The following NHSL2 variants were observed in gnomAD, a reference collection of about 807,000 sequenced individuals.
NHSL2 encodes the protein NHS like 2, also known as NHS-like protein 2.
Under a neutral mutation model 53.4 loss-of-function variants are expected in NHSL2, and 27 were observed. The observed-to-expected ratio is 0.51, with a 90% confidence interval of 0.37 to 0.70. The LOEUF (loss-of-function observed/expected upper bound fraction) is 0.70. NHSL2 is among the 30% of genes least tolerant of loss of function. The pLI is 0.00. For missense variants in NHSL2, 892 were observed against 980.1 expected, an observed-to-expected ratio of 0.91 and a Z score of 1.20; for synonymous variants, 408 against 404.1, an observed-to-expected ratio of 1.01 and a Z score of -0.12.
intron 1 of NHSL2, among the ~76,000 whole-genome samples, chrX:71,932,783 A>C (rs1345029114): frequency 8.9e-6 from 1 of 112,460 alleles, no homozygotes; most frequent in East Asian, 2.8e-4. Flanking sequence ...CCTCACTCCA[A>C]ATCATCCCTA....
At chrX:71,950,513 A>C (rs905680384) in intron 1 of NHSL2, among the ~76,000 whole-genome samples, 1 of 112,496 alleles carries the variant, frequency 8.9e-6, no homozygotes, top group Non-Finnish European at 1.9e-5. Context: ...TTTTTGCCCC[A>C]GTTCTAGCTG....
intron 1 of NHSL2, among the ~76,000 whole-genome samples, chrX:72,091,208 C>T (rs2041894474): frequency 8.9e-6 from 1 of 112,382 alleles, no homozygotes; most frequent in South Asian, 3.7e-4. Flanking sequence ...AATCCCAGCA[C>T]TTTGGGAGGC....
rs775112443 is a variant in NHSL2, at chrX:72,101,278, TCG to T, written c.281-30799_281-30798del. Among the ~76,000 whole-genome samples, 8 of 109,673 alleles carry T rather than the reference TCG, an allele frequency of 7.3e-5. No homozygotes were observed. In the East Asian group the frequency reaches 2.3e-3, roughly 32 times the overall value. On this transcript the variant is annotated intron_variant, in intron 1 of 7. Transcript: ENST00000633930. ...GCTCAATTGCATCCTGCAAGAAGAC[TCG>T]CATCAGGGTTTGAGCTCGGGGTTTG...
Position 72,132,160 on chromosome X carries a change from TCTC to T in NHSL2, c.366_368del (p.Ser123del), listed in dbSNP as rs1219076103. 1 of 1,166,230 alleles carries T rather than the reference TCTC, an allele frequency of 8.6e-7. No individual in the cohort carries two copies. Among genetic ancestry groups the T allele is most frequent in the Non-Finnish European group, 1.1e-6 (1 of 872,206 alleles). On this transcript the variant is annotated inframe_deletion, in exon 2 of 8. Transcript: ENST00000633930. Reference sequence around the variant, plus strand: ...TGGCGACAGCCAGTGAACGTGTTCCTCTCCTCGGGCAGGCCCCCGAGTGTAGAG... The same window carrying T: ...TGGCGACAGCCAGTGAACGTGTTCCTCTCGGGCAGGCCCCCGAGTGTAGAG...
At chrX:71,989,158 G>A (rs939024402) in intron 1 of NHSL2, among the ~76,000 whole-genome samples, 1 of 110,320 alleles carries the variant, frequency 9.1e-6, no homozygotes, top group Non-Finnish European at 1.9e-5. Context: ...CAAAACACTT[G>A]GTCCTTATTT....
intron 1 of NHSL2, 138 bp from the exon 2 acceptor site, chrX:72,131,941 C>T (rs2042307178): frequency 8.7e-6 from 5 of 575,414 alleles, no homozygotes; most frequent in African/African-American, 2.4e-5. Flanking sequence ...CGGCGATTCC[C>T]CGCCTTTTAA....
chrX:72,000,504 C>G (rs1006974144), intron 1 of NHSL2, among the ~76,000 whole-genome samples: 2 of 112,195 alleles, frequency 1.8e-5, no homozygotes, highest in African/African-American at 6.5e-5. Context: ...TATTATCTTA[C>G]AGTTCTGGAG....
At chrX:72,067,954 C>T (rs191287108) in intron 1 of NHSL2, among the ~76,000 whole-genome samples, 21 of 112,335 alleles carry the variant, frequency 1.9e-4, no homozygotes, top group Non-Finnish European at 2.4e-4. Flanking sequence ...ATATTCCAAA[C>T]AGTTAACAGT....
At chrX:71,962,326 G>T (rs2041871284) in intron 1 of NHSL2, among the ~76,000 whole-genome samples, 1 of 111,697 alleles carries the variant, frequency 9.0e-6, no homozygotes, top group African/African-American at 3.3e-5. Context: ...TGCCCTCAGA[G>T]AATAAGTTAG....
intron 1 of NHSL2, among the ~76,000 whole-genome samples, chrX:72,052,390 T>G: frequency 8.9e-6 from 1 of 112,566 alleles, no homozygotes; most frequent in East Asian, 2.8e-4. Context: ...GCATTAAAAG[T>G]CTTGGACAGT....
chrX:72,105,659 A>C (rs1177257354), intron 1 of NHSL2, among the ~76,000 whole-genome samples: 1 of 111,495 alleles, frequency 9.0e-6, no homozygotes, highest in African/African-American at 3.3e-5. Flanking sequence ...GGTGACCTGC[A>C]TCTCAAAGAG....
chrX:72,031,695 T>A (rs1602319049), intron 1 of NHSL2, among the ~76,000 whole-genome samples: 1 of 108,859 alleles, frequency 9.2e-6, no homozygotes, highest in South Asian at 4.1e-4. Context: ...CTTTCCTGCT[T>A]TCTCGCTCCT....
Position 72,153,264 on chromosome X carries a change from A to G in NHSL2, c.*9690A>G, listed in dbSNP as rs2042530128. The G allele has an allele frequency of 2.7e-5, 3 of 112,614 alleles. No individual in the cohort carries two copies. Among genetic ancestry groups the G allele is most frequent in the Non-Finnish European group, 5.6e-5 (3 of 53,331 alleles). The allele number at this position is 112,614 out of a possible 1,213,427, so 9.3% of individuals were successfully genotyped here. Reference sequence around the variant, plus strand: ...CTAGAGCTGTTTGTGTCTTCTTAAAATAAACTTTTTCTGTTAAAATCATTT... The same window carrying G: ...CTAGAGCTGTTTGTGTCTTCTTAAAGTAAACTTTTTCTGTTAAAATCATTT... On this transcript the variant is annotated 3_prime_UTR_variant, in exon 8 of 8. Coordinates refer to ENST00000633930, the MANE Select transcript of NHSL2 (RefSeq NM_001013627.3).
At chrX:71,978,080 TG>T (rs2147864424) in intron 1 of NHSL2, among the ~76,000 whole-genome samples, 1 of 112,309 alleles carries the variant, frequency 8.9e-6, no homozygotes, top group Admixed American at 9.4e-5. Context: ...AACTCTATCA[TG>T]GGGTTGTTAT....
At chrX:72,121,910 A>G (rs762976999) in intron 1 of NHSL2, among the ~76,000 whole-genome samples, 18 of 112,447 alleles carry the variant, frequency 1.6e-4, no homozygotes, top group Non-Finnish European at 3.0e-4. Context: ...GAAATCACAA[A>G]TATTTTCATA....
chrX:71,930,384 C>T (rs960788356), intron 1 of NHSL2, among the ~76,000 whole-genome samples: 17 of 112,661 alleles, frequency 1.5e-4, no homozygotes, highest in African/African-American at 5.5e-4. Flanking sequence ...TTTTTAACAG[C>T]TTTATTGAAA....
At chrX:72,020,090 A>G (rs1399509207) in intron 1 of NHSL2, among the ~76,000 whole-genome samples, 1 of 112,641 alleles carries the variant, frequency 8.9e-6, no homozygotes, top group African/African-American at 3.2e-5. Flanking sequence ...TCTTCGTGTT[A>G]TTTTTTGAAA....
intron 1 of NHSL2, among the ~76,000 whole-genome samples, chrX:72,048,298 C>T (rs1171959061): frequency 9.0e-6 from 1 of 110,620 alleles, no homozygotes; most frequent in Non-Finnish European, 1.9e-5. Flanking sequence ...GTGAGGTTCC[C>T]ACACTTGGGT....
intron 1 of NHSL2, among the ~76,000 whole-genome samples, chrX:71,950,322 C>T (rs979525920): frequency 6.2e-5 from 7 of 112,534 alleles, no homozygotes; most frequent in Admixed American, 1.9e-4. Flanking sequence ...AGTAACAGTC[C>T]CAATGCCCAG....
Sources: gnomAD v4.1 joint callset for allele counts (sites outside exome capture counted in the v4.1 genomes callset) on GRCh38, gnomAD v4.1.1 for gene constraint, MANE v1.5 for transcripts, NCBI Gene and HGNC (gene_info 2026-07-23, HGNC 2026-07-21) for gene names.